Variants in CFAP221 observed in about 807,000 individuals in gnomAD.
CFAP221 encodes the protein cilia and flagella associated protein 221.
CFAP221 carries 97 observed loss-of-function variants against 113.1 expected under a neutral mutation model. That is an observed-to-expected ratio of 0.86 (90% CI 0.73 to 1.02). The LOEUF (loss-of-function observed/expected upper bound fraction) is 1.02. Among genes scored for constraint, CFAP221 ranks in the 50% least tolerant of loss-of-function variants. The pLI, the probability that CFAP221 is intolerant of heterozygous loss-of-function variation, is 0.00. For missense variants in CFAP221, 1,025 were observed against 1,013.4 expected (o/e 1.01, Z -0.16); for synonymous variants, 331 against 354.4 (o/e 0.93, Z 0.74).
At chr2:119,659,373 T>C (rs541514463), downstream of CFAP221, among the ~76,000 whole-genome samples, 20 of 152,308 alleles carry the variant, frequency 1.3e-4, no homozygotes, top group African/African-American at 4.8e-4. Flanking sequence ...ATGAGTTAGG[T>C]TCATGTGTTA....
chr2:119,656,708 T>C (rs1688455788), downstream of CFAP221: 1 of 314,338 alleles, frequency 3.2e-6, no homozygotes, highest in Non-Finnish European at 5.9e-6. Flanking sequence ...GGAATGCTTC[T>C]GAGCAACATG....
At chr2:119,650,576 A>T (rs1275023140) in intron 22 of CFAP221, among the ~76,000 whole-genome samples, 1 of 152,234 alleles carries the variant, frequency 6.6e-6, no homozygotes, top group Non-Finnish European at 1.5e-5. Flanking sequence ...GAATTAAAGG[A>T]GATGCTGATG....
At chr2:119,603,059 G>A (rs1330137199) in intron 8 of CFAP221, among the ~76,000 whole-genome samples, 1 of 152,084 alleles carries the variant, frequency 6.6e-6, no homozygotes, top group African/African-American at 2.4e-5. Flanking sequence ...CTATCATGAA[G>A]GGAAAAAAAC....
intron 8 of CFAP221, chr2:119,602,635 A>G: frequency 3.0e-6 from 3 of 985,378 alleles, no homozygotes; most frequent in Non-Finnish European, 3.6e-6. Flanking sequence ...AGTCAACTGT[A>G]GGATATTAGT....
chr2:119,576,097 G>A (rs751367667), intron 6 of CFAP221, among the ~76,000 whole-genome samples: 5 of 152,178 alleles, frequency 3.3e-5, no homozygotes, highest in Non-Finnish European at 7.3e-5. Flanking sequence ...CAGGCCAGGA[G>A]AGAAACCATC....
Position 119,615,600 on chromosome 2 carries a change from T to C in CFAP221, c.1312-11T>C, listed in dbSNP as rs1272365388. The C allele has an allele frequency of 6.3e-7, 1 of 1,579,296 alleles. No homozygotes were observed. The highest frequency in any genetic ancestry group is 8.6e-7 in the Non-Finnish European group (1 of 1,156,500). On this transcript the variant is annotated splice_polypyrimidine_tract_variant and intron_variant, in intron 13 of 23. Transcript: ENST00000413369. ...TTAAATGTAAGATGTGCCTATATTTTATATTCACAGAAAATCAAGGAATTT... is the reference window on the plus strand; with the variant it reads ...TTAAATGTAAGATGTGCCTATATTTCATATTCACAGAAAATCAAGGAATTT...
chr2:119,620,573 C>T (rs181235566), intron 14 of CFAP221, among the ~76,000 whole-genome samples: 104 of 152,266 alleles, frequency 6.8e-4, no homozygotes, highest in Non-Finnish European at 1.1e-3. Flanking sequence ...GCCAGCCTTA[C>T]AAGAGCTCCT....
At chr2:119,573,684 A>G (rs1049257472) in intron 6 of CFAP221, among the ~76,000 whole-genome samples, 2 of 152,166 alleles carry the variant, frequency 1.3e-5, no homozygotes, top group Admixed American at 6.5e-5. Flanking sequence ...ACAGAGCGAG[A>G]CCTCATCACT....
rs149304410 is a variant in CFAP221, at chr2:119,611,719, C to T, written c.1288C>T (p.Arg430Trp). The T allele has an allele frequency of 3.0e-5, 48 of 1,613,466 alleles. No individual in the cohort carries two copies. The African/African-American group carries it at 3.5e-4, about 12-fold the overall frequency. The change falls in exon 13 of 24, where the codon CGG becomes TGG. Residue 430 changes from arginine (R) to tryptophan (W), a missense_variant. Physicochemically the swap from Arg to Trp is moderately radical, Grantham distance 101. Transcript: ENST00000413369. Reference sequence around the variant, plus strand: ...ACTTAAAACAGAAGTTAGCCATAAACGGGTTGTTCGCAATCAAGAAGAGGT... The same window carrying T: ...ACTTAAAACAGAAGTTAGCCATAAATGGGTTGTTCGCAATCAAGAAGAGGT... ...QRLKTEVSHK[R>W]VVRNQEEKIK...
intron 22 of CFAP221, among the ~76,000 whole-genome samples, chr2:119,650,456 C>G (rs1574239036): frequency 6.6e-6 from 1 of 152,248 alleles, no homozygotes; most frequent in South Asian, 2.1e-4. Flanking sequence ...TCAGCAGATA[C>G]AAACATACCC....
chr2:119,656,282 C>G (rs1363707115), intron 23 of CFAP221, 80 bp from the exon 24 acceptor site: 2 of 1,105,630 alleles, frequency 1.8e-6, no homozygotes, highest in African/African-American at 1.5e-5. Flanking sequence ...CCGACCTTCA[C>G]CAGCACTGCT....
chr2:119,648,027 A>G (rs28660282), intron 22 of CFAP221, among the ~76,000 whole-genome samples: 1 of 152,156 alleles, frequency 6.6e-6, no homozygotes, highest in Non-Finnish European at 1.5e-5. Flanking sequence ...TCAGTGCCCC[A>G]ATGTCCTCAT....
intron 14 of CFAP221, among the ~76,000 whole-genome samples, chr2:119,618,652 C>A (rs1372556951): frequency 6.6e-6 from 1 of 152,192 alleles, no homozygotes. Flanking sequence ...AATCACAAAA[C>A]TGGGTGGCCA....
chr2:119,655,643 A>G (rs1251784407), intron 23 of CFAP221, among the ~76,000 whole-genome samples: 1 of 152,076 alleles, frequency 6.6e-6, no homozygotes, highest in Non-Finnish European at 1.5e-5. Context: ...ATTTCCTCCC[A>G]CATATCTGGA....
intron 6 of CFAP221, among the ~76,000 whole-genome samples, chr2:119,582,457 CT>C (rs200310556): frequency 0.018 from 2,479 of 136,738 alleles, 15 homozygotes; most frequent in Non-Finnish European, 0.025. Context: ...TAAGACATAT[CT>C]TTTTTTTTTT....
chr2:119,640,567 T>C (rs575186652), intron 21 of CFAP221, among the ~76,000 whole-genome samples: 1 of 152,320 alleles, frequency 6.6e-6, no homozygotes, highest in Non-Finnish European at 1.5e-5. Context: ...CAGTTCACTA[T>C]CCTTATAAAT....
chr2:119,620,128 A>C (rs527382730), intron 14 of CFAP221, among the ~76,000 whole-genome samples: 23 of 152,316 alleles, frequency 1.5e-4, no homozygotes, highest in Admixed American at 7.2e-4. Flanking sequence ...GTGTACCTAA[A>C]AGTGATGGGG....
rs531056150 is a variant in CFAP221, at chr2:119,630,816, A to C, written c.1889A>C (p.Gln630Pro). The change falls in exon 19 of 24, where the codon CAG becomes CCG. Residue 630 changes from glutamine (Q) to proline (P), a missense_variant. Physicochemically the swap from Gln to Pro is moderately conservative, Grantham distance 76. Coordinates refer to ENST00000413369, the MANE Select transcript of CFAP221 (RefSeq NM_001271049.2). ...CTTCCGAAACAGGACTCCACAACTC[A>C]GCTCTCTGGCAAAACATCAGTCTTG... ...TALPKQDSTT[Q>P]LSGKTSVLSM... The C allele has an allele frequency of 1.1e-5, 18 of 1,613,872 alleles. No homozygotes were observed. The South Asian group carries it at 2.0e-4, about 18-fold the overall frequency.
At chr2:119,633,732 A>G (rs1686938064) in intron 19 of CFAP221, among the ~76,000 whole-genome samples, 2 of 392 alleles carry the variant, frequency 5.1e-3, no homozygotes, top group Middle Eastern at 0.5. Context: ...TGAAAAAAAT[A>G]CCACCAATCC....
Sources: allele counts gnomAD v4.1 joint callset (sites outside exome capture counted in the v4.1 genomes callset), GRCh38; gene constraint gnomAD v4.1.1; transcripts MANE v1.5; gene names NCBI Gene and HGNC (gene_info 2026-07-23, HGNC 2026-07-21).